Variants in TNC observed in about 807,000 individuals in gnomAD.
TNC encodes tenascin C, also known as tenascin.
TNC carries 109 observed loss-of-function variants against 202.4 expected under a neutral mutation model. That is an observed-to-expected ratio of 0.54 (90% CI 0.46 to 0.63). The LOEUF (loss-of-function observed/expected upper bound fraction) is 0.63. Among genes scored for constraint, TNC ranks in the 30% least tolerant of loss-of-function variants. The pLI is 0.00. For synonymous variants in TNC, 1,007 were observed against 1,089.7 expected, an observed-to-expected ratio of 0.92 and a Z score of 1.50; for missense variants, 2,756 against 2,833.3, an observed-to-expected ratio of 0.97 and a Z score of 0.62.
At position 115,086,721 on chromosome 9, in the gene TNC, G is replaced by A; in HGVS notation, c.1010C>T (p.Thr337Ile). 1 of 1,613,978 alleles carries A rather than the reference G, an allele frequency of 6.2e-7. No individual in the cohort carries two copies. The highest frequency in any genetic ancestry group is 1.3e-5 in the African/African-American group (1 of 75,022). ...GGTGGGTTTCCCGCAGTCTTCACCTGTGAAGCCTTCTTCGCAGTAGCAGGT... is the reference window on the plus strand; with the variant it reads ...GGTGGGTTTCCCGCAGTCTTCACCTATGAAGCCTTCTTCGCAGTAGCAGGT... ...NGTCYCEEGF[T>I]GEDCGKPTCP... Residue 337 changes from threonine to isoleucine, a missense_variant, in exon 3 of 28, where the codon ACA becomes ATA. Physicochemically the swap from Thr to Ile is moderately conservative, Grantham distance 89 (BLOSUM62 -1). Transcript: ENST00000350763.
At chr9:115,058,231 C>T (rs973068468) in intron 14 of TNC, among the ~76,000 whole-genome samples, 2 of 152,278 alleles carry the variant, frequency 1.3e-5, no homozygotes, top group East Asian at 1.9e-4. Context: ...ATAAAACATG[C>T]AGAGGGCAGG....
chr9:115,023,377 C>T (rs1000062090), intron 27 of TNC, among the ~76,000 whole-genome samples: 3 of 152,166 alleles, frequency 2.0e-5, no homozygotes, highest in Non-Finnish European at 4.4e-5. Flanking sequence ...GAATTTGATC[C>T]GTTCGCCTAT....
rs374960411 is a variant in TNC, at chr9:115,097,992, A to G, written c.-136-6838T>C. Among the ~76,000 whole-genome samples the G allele has an allele frequency of 1.2e-3, 189 of 152,280 alleles. 2 individuals are homozygous for G. In the South Asian group the frequency reaches 0.023, roughly 19 times the overall value. On this transcript the variant is annotated intron_variant, in intron 1 of 27. Coordinates refer to ENST00000350763, the MANE Select transcript of TNC (RefSeq NM_002160.4). The stretch of plus-strand genomic sequence containing the variant: ...GTCATCTGTTGAGAAGGCTGGGTAG[A>G]ATATAGGCTTTAATATTTAGTCCCC...
At chr9:115,077,861 G>A (rs1833995394) in intron 7 of TNC, 82 bp downstream of exon 7, 3 of 1,449,636 alleles carry the variant, frequency 2.1e-6, no homozygotes, top group Non-Finnish European at 2.8e-6. Flanking sequence ...AAATGAGCCT[G>A]GAAGATACCC....
At position 115,046,565 on chromosome 9, in the gene TNC, G is replaced by C; in HGVS notation, c.4970C>G (p.Thr1657Ser). 3 of 1,614,030 alleles carry C rather than the reference G, an allele frequency of 1.9e-6. No individual in the cohort carries two copies. The highest frequency in any genetic ancestry group is 2.5e-6 in the Non-Finnish European group (3 of 1,179,976). ...TTCCAGTGGCTCAGACTGCTTTTTGGTATCTCTGATTTTGAGAACAAAATT... is the reference window on the plus strand; with the variant it reads ...TTCCAGTGGCTCAGACTGCTTTTTGCTATCTCTGATTTTGAGAACAAAATT... ...FDNFVLKIRD[T>S]KKQSEPLEIT... is the part of the protein sequence containing the mutation. The change falls in exon 17 of 28, where the codon ACC becomes AGC. Residue 1657 changes from threonine to serine, a missense_variant. Thr to Ser is a moderately conservative substitution (Grantham distance 58, BLOSUM62 1). Transcript: ENST00000350763.
chr9:115,078,205 A>T lies in TNC; in HGVS notation c.2412T>A (p.Asp804Glu). 1 of 1,604,410 alleles carries T rather than the reference A, an allele frequency of 6.2e-7. No homozygotes were observed. The highest frequency in any genetic ancestry group is 8.5e-7 in the Non-Finnish European group (1 of 1,172,398). ...GLKRVTTTRLDAPSQIEVKDV... is the reference protein window; with the variant it reads ...GLKRVTTTRLEAPSQIEVKDV... ...CTTTCACCTCGATCTGGCTGGGGGC[A>T]TCCAAGCCTATGATGGGCAGAGGAC... The change falls in exon 7 of 28, where the codon GAT (aspartate) becomes GAA (glutamate). Residue 804 changes from aspartate to glutamate, a missense_variant. This residue lies in a region of TNC where 2,559 missense variants were observed against 2,546.0 expected (regional missense o/e 1.01). Transcript: ENST00000350763.
intron 1 of TNC, among the ~76,000 whole-genome samples, chr9:115,100,533 C>T (rs962000332): frequency 1.3e-5 from 2 of 152,170 alleles, no homozygotes; most frequent in Non-Finnish European, 2.9e-5. Context: ...GGTGACTTTA[C>T]TAATTAACTC....
chr9:115,026,731 G>A, intron 25 of TNC, 36 bp from the exon 26 acceptor site: 1 of 1,607,230 alleles, frequency 6.2e-7, no homozygotes. Flanking sequence ...AAGAAGCACA[G>A]GTGACTGAGG....
chr9:115,035,957 T>G, intron 21 of TNC, 141 bp downstream of exon 21: 1 of 978,624 alleles, frequency 1.0e-6, no homozygotes, highest in Admixed American at 2.3e-5. Flanking sequence ...TGGGCACTGG[T>G]GAATTTAAGT....
rs1755640 is a variant in TNC, at chr9:115,084,701, C to G, written c.1868-229G>C. Among the ~76,000 whole-genome samples the G allele has an allele frequency of 0.47, 71,843 of 151,584 alleles. 17,428 individuals are homozygous for G. The highest frequency in any genetic ancestry group is 0.57 in the African/African-American group (23,617 of 41,292). Reference sequence around the variant, plus strand: ...GCTGGAGTCCCAGGTCAGCAGTGTGCCCTTGGGTGTTTCTGGCCTCTCCAA... The same window carrying G: ...GCTGGAGTCCCAGGTCAGCAGTGTGGCCTTGGGTGTTTCTGGCCTCTCCAA... On this transcript the variant is annotated intron_variant, in intron 3 of 27. Coordinates refer to ENST00000350763, the MANE Select transcript of TNC (RefSeq NM_002160.4).
At chr9:115,021,306 A>AG in intron 27 of TNC, 39 bp from the exon 28 acceptor site, 6 of 1,467,728 alleles carry the variant, frequency 4.1e-6, no homozygotes, top group Non-Finnish European at 5.7e-6. Context: ...AGAGAGAGAG[A>AG]AGGCCTCCAG....
chr9:115,054,318 G>A (rs541374501), intron 15 of TNC, among the ~76,000 whole-genome samples: 1 of 152,312 alleles, frequency 6.6e-6, no homozygotes, highest in East Asian at 1.9e-4. Flanking sequence ...ATAGCCATTA[G>A]CATTGACATG....
At chr9:115,034,614 C>A (rs1303211644) in intron 22 of TNC, among the ~76,000 whole-genome samples, 1 of 152,034 alleles carries the variant, frequency 6.6e-6, no homozygotes, top group Non-Finnish European at 1.5e-5. Flanking sequence ...GGAGAACAAG[C>A]AAAAGATCTT....
intron 20 of TNC, 80 bp downstream of exon 20, chr9:115,038,181 C>A: frequency 6.5e-7 from 1 of 1,536,644 alleles, no homozygotes. Context: ...CCAAATGTGG[C>A]AGGGAGAAGA....
chr9:115,106,125 C>A (rs1836597706), intron 1 of TNC, among the ~76,000 whole-genome samples: 1 of 152,118 alleles, frequency 6.6e-6, no homozygotes, highest in African/African-American at 2.4e-5. Context: ...GGATCTTGAG[C>A]AATTTAAACT....
At chr9:115,032,400 A>C (rs1252426241) in intron 22 of TNC, among the ~76,000 whole-genome samples, 1 of 152,204 alleles carries the variant, frequency 6.6e-6, no homozygotes, top group African/African-American at 2.4e-5. Flanking sequence ...GGGAGCCTTG[A>C]AAGATGTTTG....
rs951062249 is a variant in TNC at position 115,073,696 on chromosome 9, T to C, written c.3121A>G (p.Arg1041Gly). 4.3e-6 allele frequency: 7 copies of C among 1,614,018 alleles called. No homozygotes were observed. The highest frequency in any genetic ancestry group is 5.9e-6 in the Non-Finnish European group (7 of 1,180,022). ...LPRNTTSYVL[R>G]GLEPGQEYNV... Reference sequence around the variant, plus strand: ...TACTCCTGTCCTGGTTCCAGGCCTCTCAGGACATAGGAAGTGGTGTTTCTT... The same window carrying C: ...TACTCCTGTCCTGGTTCCAGGCCTCCCAGGACATAGGAAGTGGTGTTTCTT... The change falls in exon 10 of 28, where the codon AGA becomes GGA. Residue 1041 changes from arginine (R) to glycine (G), a missense_variant. Around this residue, in one of 2 missense-constraint regions of TNC, gnomAD observed 2,559 missense variants for 2,546.0 expected, o/e 1.01. Transcript: ENST00000350763.
Position 115,087,118 on chromosome 9 carries a change from A to G in TNC, c.613T>C (p.Cys205Arg), listed in dbSNP as rs139599806. ...HLRGRCIDGQCICDDGFTGED... is the reference protein window; with the variant it reads ...HLRGRCIDGQRICDDGFTGED... ...CCCGTGAAGCCGTCGTCACAGATGC[A>G]CTGCCCATCAATGCACCGGCCTCGA... Residue 205 changes from cysteine (C) to arginine (R), a missense_variant, in exon 3 of 28, where the codon TGC becomes CGC. By Grantham distance (180) the Cys-to-Arg change is radical. Transcript: ENST00000350763. The G allele has an allele frequency of 7.4e-6, 12 of 1,614,240 alleles. No homozygotes were observed. Among genetic ancestry groups the G allele is most frequent in the Non-Finnish European group, 1.0e-5 (12 of 1,180,056 alleles).
chr9:115,053,098 C>T (rs991379019), intron 15 of TNC: 2 of 643,672 alleles, frequency 3.1e-6, no homozygotes, highest in East Asian at 5.4e-5. Flanking sequence ...AGCCATAGAA[C>T]ATGAAAGCAT....
Sources: gnomAD v4.1 joint callset for allele counts (sites outside exome capture counted in the v4.1 genomes callset) on GRCh38, gnomAD v4.1.1 for gene constraint, gnomAD v4.1.1 regional missense constraint, MANE v1.5 for transcripts, NCBI Gene and HGNC (gene_info 2026-07-23, HGNC 2026-07-21) for gene names.